The following KIRREL3 variants were observed in gnomAD, a reference collection of about 807,000 sequenced individuals.
KIRREL3 encodes kin of IRRE-like protein 3.
Under a neutral mutation model 89.7 loss-of-function variants are expected in KIRREL3, and 36 were observed. The observed-to-expected ratio is 0.40, with a 90% CI of 0.31 to 0.53. The LOEUF is 0.53. Ranked by LOEUF, KIRREL3 falls within the 20% of genes least tolerant of loss-of-function variation. KIRREL3 has a pLI of 0.49. For synonymous variants in KIRREL3, 445 were observed against 441.4 expected (o/e 1.01, Z -0.10); for missense variants, 864 against 1,056.6 (o/e 0.82, Z 2.53).
chr11:126,475,307 T>C lies in KIRREL3; in HGVS notation c.434-1841A>G, dbSNP rs896259213. Among the ~76,000 whole-genome samples the C allele has an allele frequency of 6.6e-6, 1 of 151,978 alleles. No individual in the cohort carries two copies. Among genetic ancestry groups the C allele is most frequent in the African/African-American group, 2.4e-5 (1 of 41,336 alleles). On this transcript the variant is annotated intron_variant, in intron 4 of 16. Transcript: ENST00000525144. The surrounding 1 kb of genome is among the most constrained non-coding windows in gnomAD (Gnocchi z 7.5). ...AGCCTGCATGGGAACTTCCCTCCCC[T>C]TCTCAGGGGATCGCCCCGTCAGCCC... is the stretch of plus-strand genomic sequence containing the variant.
chr11:126,788,409 A>G lies in KIRREL3; in HGVS notation c.55+212046T>C, dbSNP rs1950543900. Reference sequence around the variant, plus strand: ...TGGCCCTTGGTTTTGAGACTGAGACAGGGCTGTGCTTCTTCCCTTGCCTCC... The same window carrying G: ...TGGCCCTTGGTTTTGAGACTGAGACGGGGCTGTGCTTCTTCCCTTGCCTCC... On this transcript the variant is annotated intron_variant, in intron 1 of 16. Transcript: ENST00000525144. The surrounding 1 kb of genome is among the most constrained non-coding windows in gnomAD (Gnocchi z 4.1). 6.6e-6 allele frequency among the ~76,000 whole-genome samples: 1 copy of G among 152,170 alleles called. No homozygotes were observed. The highest frequency in any genetic ancestry group is 2.1e-4 in the South Asian group (1 of 4,822).
chr11:126,874,131 C>G (rs751335915), intron 1 of KIRREL3, among the ~76,000 whole-genome samples: 4 of 152,202 alleles, frequency 2.6e-5, no homozygotes, highest in Non-Finnish European at 5.9e-5. Flanking sequence ...TTTGCCAAGC[C>G]TTCATTGCTT....
At chr11:126,899,418 T>C (rs1946286430) in intron 1 of KIRREL3, among the ~76,000 whole-genome samples, 1 of 152,156 alleles carries the variant, frequency 6.6e-6, no homozygotes, top group Admixed American at 6.5e-5. Flanking sequence ...AAAAGAAGTG[T>C]CACCTATCCT....
intron 6 of KIRREL3, among the ~76,000 whole-genome samples, chr11:126,457,356 T>TCC (rs1956397269): frequency 1.1e-5 from 1 of 94,380 alleles, no homozygotes; most frequent in South Asian, 3.8e-4. Flanking sequence ...TGTATGTATG[T>TCC]CTCTGTGTGT....
chr11:126,854,755 G>A (rs919175836), intron 1 of KIRREL3, among the ~76,000 whole-genome samples: 7 of 152,074 alleles, frequency 4.6e-5, no homozygotes, highest in African/African-American at 1.7e-4. Context: ...CGAATTTCTG[G>A]TTCATATGGT....
rs1565423556 is a variant in KIRREL3, at chr11:126,923,212, T to TCTA, written c.55+77242_55+77243insTAG. Among the ~76,000 whole-genome samples the TCTA allele has an allele frequency of 3.9e-3, 60 of 15,476 alleles. 2 individuals are homozygous for TCTA. Among genetic ancestry groups the TCTA allele is most frequent in the Admixed American group, 6.8e-3 (12 of 1,754 alleles). The allele number at this position is 15,476 out of a possible 152,430, so 10.2% of individuals were successfully genotyped here. A position where few individuals can be genotyped will look rare whatever the true frequency, so the allele number is the denominator to read the frequency against. ...CTCTTCTTCTTCTTCTTCTTCTTCT[T>TCTA]CTTCTTCTTCTTCTTCTTCTTCTTC... On this transcript the variant is annotated intron_variant, in intron 1 of 16. Transcript: ENST00000525144.
rs577469618 is a variant in KIRREL3, at chr11:126,703,396, G to A, written c.56-140484C>T. 6.6e-6 allele frequency among the ~76,000 whole-genome samples: 1 copy of A among 152,370 alleles called. No individual in the cohort carries two copies. Among genetic ancestry groups the A allele is most frequent in the East Asian group, 1.9e-4 (1 of 5,192 alleles). Reference sequence around the variant, plus strand: ...ATCGTCTTCATCACCATCAGCAGGAGCAGTGACTTTACCAATGATTGATCA... The same window carrying A: ...ATCGTCTTCATCACCATCAGCAGGAACAGTGACTTTACCAATGATTGATCA... On this transcript the variant is annotated intron_variant, in intron 1 of 16. Transcript: ENST00000525144. The surrounding 1 kb of genome is among the most constrained non-coding windows in gnomAD (Gnocchi z 4.6).
rs1459259715 is a variant in KIRREL3 at position 126,734,470 on chromosome 11, C to A, written c.56-171558G>T. ...CCTGAGGTCAGGAGTTCGAGACCAG[C>A]CTGACCAACATGGAGAAACCCTGTC... is the stretch of plus-strand genomic sequence containing the variant. On this transcript the variant is annotated intron_variant, in intron 1 of 16. Transcript: ENST00000525144. This position sits in a 1 kb window ranked among gnomAD's most constrained non-coding sequence, Gnocchi z 5.9. Among the ~76,000 whole-genome samples, 1 of 152,094 alleles carries A rather than the reference C, an allele frequency of 6.6e-6. No homozygotes were observed. Among genetic ancestry groups the A allele is most frequent in the Non-Finnish European group, 1.5e-5 (1 of 68,018 alleles).
chr11:126,892,466 T>TC lies in KIRREL3; in HGVS notation c.55+107988dup, dbSNP rs1159759500. On this transcript the variant is annotated intron_variant, in intron 1 of 16. Transcript: ENST00000525144. The surrounding 1 kb of genome is among the most constrained non-coding windows in gnomAD (Gnocchi z 5.4). The stretch of plus-strand genomic sequence containing the variant: ...AGAGGCACAAGTGGCAGCTTTTTTT[T>TC]CTTGAAAAATCAGCTATTATTTATC... Among the ~76,000 whole-genome samples the TC allele has an allele frequency of 1.3e-5, 2 of 152,284 alleles. No homozygotes were observed. The highest frequency in any genetic ancestry group is 3.9e-4 in the East Asian group (2 of 5,182).
rs1945971641 is a variant in KIRREL3 at position 126,892,666 on chromosome 11, C to A, written c.55+107789G>T. On this transcript the variant is annotated intron_variant, in intron 1 of 16. Coordinates refer to ENST00000525144, the MANE Select transcript of KIRREL3 (RefSeq NM_032531.4). The surrounding 1 kb of genome is among the most constrained non-coding windows in gnomAD (Gnocchi z 5.4). ...TGGGCAGGTGTGGCTGGAGGCATGA[C>A]CCCTTTTCTCTGGTTGATTTCATCT... Among the ~76,000 whole-genome samples, 1 of 152,146 alleles carries A rather than the reference C, an allele frequency of 6.6e-6. No individual in the cohort carries two copies. Among genetic ancestry groups the A allele is most frequent in the South Asian group, 2.1e-4 (1 of 4,832 alleles).
At chr11:126,926,785 G>A (rs182594810) in intron 1 of KIRREL3, among the ~76,000 whole-genome samples, 148 of 151,994 alleles carry the variant, frequency 9.7e-4, no homozygotes, top group African/African-American at 3.2e-3. Context: ...TAAAGAGGGC[G>A]CGGAAAAAAT....
At chr11:126,586,559 C>T (rs1478465621) in intron 1 of KIRREL3, among the ~76,000 whole-genome samples, 2 of 151,890 alleles carry the variant, frequency 1.3e-5, no homozygotes, top group East Asian at 1.9e-4. Flanking sequence ...TTTATAAACC[C>T]GAGGCTCAGT....
intron 1 of KIRREL3, among the ~76,000 whole-genome samples, chr11:126,919,231 G>A (rs79526790): frequency 0.013 from 2,018 of 152,216 alleles, 46 homozygotes; most frequent in African/African-American, 0.045. Flanking sequence ...GAGATTGAGC[G>A]CTGTGGTAGG....
chr11:126,981,547 C>G lies in KIRREL3; in HGVS notation c.55+18908G>C, dbSNP rs1378870525. 6.6e-6 allele frequency among the ~76,000 whole-genome samples: 1 copy of G among 152,228 alleles called. No homozygotes were observed. Among genetic ancestry groups the G allele is most frequent in the East Asian group, 1.9e-4 (1 of 5,200 alleles). ...TGTTTCACTGAAATGAGATCTGCCT[C>G]TACCACCCGACTCTATGAAGCAAAG... On this transcript the variant is annotated intron_variant, in intron 1 of 16. Coordinates refer to ENST00000525144, the MANE Select transcript of KIRREL3 (RefSeq NM_032531.4). The surrounding 1 kb of genome is among the most constrained non-coding windows in gnomAD (Gnocchi z 4.2).
At position 126,789,332 on chromosome 11, in the gene KIRREL3, A is replaced by G. The variant is rs574182427; in HGVS notation, c.55+211123T>C. Among the ~76,000 whole-genome samples the G allele has an allele frequency of 6.6e-5, 10 of 151,762 alleles. No homozygotes were observed. In the South Asian group the frequency reaches 1.9e-3, roughly 28 times the overall value. ...CTCACTCAGTCCCTCTCCTTCTTGC[A>G]TCTGAAGCTCTTTCTTCCTTCCCTG... On this transcript the variant is annotated intron_variant, in intron 1 of 16. Transcript: ENST00000525144.
rs1957340667 is a variant in KIRREL3, at chr11:126,485,672, C to T, written c.434-12206G>A. 6.6e-6 allele frequency among the ~76,000 whole-genome samples: 1 copy of T among 151,862 alleles called. No homozygotes were observed. The highest frequency in any genetic ancestry group is 2.4e-5 in the African/African-American group (1 of 41,120). On this transcript the variant is annotated intron_variant, in intron 4 of 16. Coordinates refer to ENST00000525144, the MANE Select transcript of KIRREL3 (RefSeq NM_032531.4). This position sits in a 1 kb window ranked among gnomAD's most constrained non-coding sequence, Gnocchi z 5.8. ...GTTGTTTATTTAATAAGTAACTCCA[C>T]ATGGGGGCAGAGTAGCATATTGCAT...
chr11:126,961,793 C>A (rs1479539688), intron 1 of KIRREL3, among the ~76,000 whole-genome samples: 1 of 152,198 alleles, frequency 6.6e-6, no homozygotes, highest in Non-Finnish European at 1.5e-5. Context: ...CAAGGCCTGG[C>A]TTCAAAGTTT....
chr11:126,926,004 A>T (rs1019640306), intron 1 of KIRREL3, among the ~76,000 whole-genome samples: 1 of 152,238 alleles, frequency 6.6e-6, no homozygotes, highest in African/African-American at 2.4e-5. Context: ...AGTCATGGGC[A>T]GAGACACCTG....
chr11:126,631,737 A>G (rs995253038), intron 1 of KIRREL3, among the ~76,000 whole-genome samples: 1 of 152,192 alleles, frequency 6.6e-6, no homozygotes, highest in African/African-American at 2.4e-5. Context: ...TTTCAAATCC[A>G]TTAGCTCATT....
Sources: allele counts gnomAD v4.1 joint callset (sites outside exome capture counted in the v4.1 genomes callset), GRCh38; gene constraint gnomAD v4.1.1; non-coding constraint Gnocchi (gnomAD v3.1); transcripts MANE v1.5; gene names NCBI Gene and HGNC (gene_info 2026-07-23, HGNC 2026-07-21).